Variants in EVC observed in about 807,000 individuals in gnomAD.
The protein encoded by EVC is evC complex member EVC.
A neutral mutation model predicts 118.9 loss-of-function variants in EVC; 116 were observed. The observed-to-expected ratio is 0.98, with a 90% CI of 0.84 to 1.14. The LOEUF (loss-of-function observed/expected upper bound fraction) is 1.14, where lower values mean the gene tolerates loss of function less well. Among genes scored for constraint, EVC ranks in the 50% most tolerant of loss-of-function variants. The pLI is 0.00. For missense variants in EVC, 1,401 were observed against 1,246.4 expected, an observed-to-expected ratio of 1.12 and a Z score of -1.87; for synonymous variants, 619 against 534.7, an observed-to-expected ratio of 1.16 and a Z score of -2.18.
At chr4:5,806,122 C>T (rs1196835184) in intron 17 of EVC, among the ~76,000 whole-genome samples, 1 of 151,754 alleles carries the variant, frequency 6.6e-6, no homozygotes, top group Non-Finnish European at 1.5e-5. Flanking sequence ...CTCTGTTGCC[C>T]AGGCTGGAAT....
intron 13 of EVC, among the ~76,000 whole-genome samples, chr4:5,795,761 C>T (rs10937678): frequency 2.6e-5 from 4 of 152,192 alleles, no homozygotes; most frequent in African/African-American, 9.6e-5. Context: ...GAATTTGTCT[C>T]GCCTGAAAAC....
intron 11 of EVC, among the ~76,000 whole-genome samples, chr4:5,779,727 TA>T (rs1436104294): frequency 1.6e-5 from 2 of 125,186 alleles, no homozygotes; most frequent in Admixed American, 8.8e-5. Flanking sequence ...CTTATCAGCT[TA>T]AGGAGATTTT....
intron 17 of EVC, among the ~76,000 whole-genome samples, chr4:5,807,159 A>G (rs999395156): frequency 2.6e-5 from 4 of 152,024 alleles, no homozygotes; most frequent in Admixed American, 2.6e-4. Context: ...GAGGACGGGG[A>G]CTGTGGGTCT....
At chr4:5,809,485 C>A (rs1426845904) in intron 18 of EVC, 33 bp from the exon 19 acceptor site, 1 of 1,595,700 alleles carries the variant, frequency 6.3e-7, no homozygotes, top group African/African-American at 1.3e-5. Flanking sequence ...AGAGGGAGGC[C>A]CAGCTGAATG....
chr4:5,797,863 T>C (rs1339782327), intron 14 of EVC, among the ~76,000 whole-genome samples: 5 of 152,192 alleles, frequency 3.3e-5, no homozygotes, highest in Non-Finnish European at 7.3e-5. Context: ...GGGGGTATGG[T>C]AGAGAAGGCC....
intron 11 of EVC, among the ~76,000 whole-genome samples, chr4:5,772,265 A>C (rs558583736): frequency 6.6e-6 from 1 of 152,246 alleles, no homozygotes; most frequent in East Asian, 1.9e-4. Context: ...TACAACTCAC[A>C]GTGCCCTTGT....
At chr4:5,794,697 C>T (rs1713618202) in intron 13 of EVC, among the ~76,000 whole-genome samples, 1 of 152,046 alleles carries the variant, frequency 6.6e-6, no homozygotes, top group African/African-American at 2.4e-5. Context: ...AGGCGTGAGC[C>T]ACCATGCCCA....
rs775090031 is a variant in EVC, at chr4:5,753,097, T to A, written c.1315+45T>A. On this transcript the variant is annotated intron_variant, in intron 9 of 20. Coordinates refer to ENST00000264956, the MANE Select transcript of EVC (RefSeq NM_153717.3). ...GCCGCCGTCCACAACACTGGCCTTC[T>A]GGGTCCCTGGGGCTGTGCAGTGAGA... 23 of 1,516,208 alleles carry A rather than the reference T, an allele frequency of 1.5e-5. No homozygotes were observed. In the East Asian group the frequency reaches 5.6e-4, roughly 37 times the overall value. The allele number at this position is 1,516,208 out of a possible 1,614,324, so 93.9% of individuals were successfully genotyped here.
intron 15 of EVC, chr4:5,801,690 AAAG>A: frequency 9.9e-6 from 4 of 405,758 alleles, no homozygotes; most frequent in South Asian, 5.2e-5. Flanking sequence ...AAAAAAAAAA[AAAG>A]ATGCGGGGAA....
At chr4:5,809,029 C>T (rs1486545516) in intron 18 of EVC, among the ~76,000 whole-genome samples, 1 of 152,186 alleles carries the variant, frequency 6.6e-6, no homozygotes, top group Non-Finnish European at 1.5e-5. Flanking sequence ...GCTTTGCACA[C>T]ACTTTCCAAC....
intron 1 of EVC, among the ~76,000 whole-genome samples, chr4:5,716,669 C>CT (rs753350395): frequency 2.6e-5 from 4 of 152,332 alleles, no homozygotes; most frequent in East Asian, 1.9e-4. Flanking sequence ...TCTCCTGACT[C>CT]TAACTTCCTT....
At chr4:5,752,758 T>A in intron 8 of EVC, 78 bp from the exon 9 acceptor site, 1 of 1,464,954 alleles carries the variant, frequency 6.8e-7, no homozygotes, top group Non-Finnish European at 9.6e-7. Flanking sequence ...CCTGGTGGCT[T>A]CTTCTCAGCT....
At chr4:5,815,709 C>T (rs529236084), downstream of EVC, among the ~76,000 whole-genome samples, 1 of 152,190 alleles carries the variant, frequency 6.6e-6, no homozygotes, top group Non-Finnish European at 1.5e-5. Context: ...TGGGATTATT[C>T]TCCCCTAAAT....
chr4:5,714,218 T>C (rs1045877972), intron 1 of EVC, among the ~76,000 whole-genome samples: 22 of 152,256 alleles, frequency 1.4e-4, no homozygotes, highest in African/African-American at 4.6e-4. Context: ...TAGGCACTGT[T>C]TGTTCTCCTC....
At chr4:5,777,484 C>G (rs552199251) in intron 11 of EVC, among the ~76,000 whole-genome samples, 9 of 152,276 alleles carry the variant, frequency 5.9e-5, no homozygotes, top group African/African-American at 2.2e-4. Context: ...CCCTCTGAAT[C>G]AACCAACACT....
chr4:5,827,476 C>T, the EVC span, among the ~76,000 whole-genome samples: 4 of 152,158 alleles, frequency 2.6e-5, no homozygotes, highest in South Asian at 4.1e-4. Context: ...CCTCCCAGTC[C>T]GGGCTGGAGC....
the EVC span, chr4:5,826,583 G>T: frequency 6.6e-6 from 1 of 152,440 alleles, no homozygotes; most frequent in African/African-American, 2.4e-5. Context: ...GCAGGAGGCT[G>T]TCAGCCTGCT....
chr4:5,753,067 T>G lies in EVC; in HGVS notation c.1315+15T>G. ...CTTCAGCCGGGGTGAGCCGTGGGCA[T>G]GGGTGCCGCCGTCCACAACACTGGC... On this transcript the variant is annotated intron_variant, in intron 9 of 20. Coordinates refer to ENST00000264956, the MANE Select transcript of EVC (RefSeq NM_153717.3). 6.4e-7 allele frequency: 1 copy of G among 1,570,692 alleles called. No individual in the cohort carries two copies. Among genetic ancestry groups the G allele is most frequent in the African/African-American group, 1.3e-5 (1 of 74,368 alleles).
chr4:5,824,360 A>G, the EVC span: 4 of 985,268 alleles, frequency 4.1e-6, no homozygotes, highest in South Asian at 4.7e-5. Context: ...TCAAAGTCTT[A>G]TGGAGAGTGA....
Sources: allele counts gnomAD v4.1 joint callset (sites outside exome capture counted in the v4.1 genomes callset), GRCh38; gene constraint gnomAD v4.1.1; transcripts MANE v1.5; gene names NCBI Gene and HGNC (gene_info 2026-07-23, HGNC 2026-07-21).